HMGN5: variants seen among roughly 807,000 people sequenced by gnomAD.
HMGN5 encodes high mobility group nucleosome-binding domain-containing protein 5.
A neutral mutation model predicts 9.5 loss-of-function variants in HMGN5; 4 were observed. That is an observed-to-expected ratio of 0.42 (90% CI 0.21 to 0.96). HMGN5 has a LOEUF of 0.96. HMGN5 is among the 40% of genes least tolerant of loss of function. The pLI is 0.30. For synonymous variants in HMGN5, 55 were observed against 57.1 expected, an observed-to-expected ratio of 0.96 and a Z score of 0.16; for missense variants, 192 against 187.5, an observed-to-expected ratio of 1.02 and a Z score of -0.14.
chrX:81,160,418 T>C (rs945989694), intron 1 of HMGN5, among the ~76,000 whole-genome samples: 4 of 111,423 alleles, frequency 3.6e-5, no homozygotes, highest in African/African-American at 1.3e-4. Context: ...GTTTGTTGCA[T>C]AGGTATACAT....
chrX:81,146,612 T>C (rs2075344599), intron 1 of HMGN5, among the ~76,000 whole-genome samples: 1 of 110,507 alleles, frequency 9.0e-6, no homozygotes, highest in African/African-American at 3.3e-5. Flanking sequence ...GCAAACACAT[T>C]CAAAAGCTAG....
intron 1 of HMGN5, among the ~76,000 whole-genome samples, chrX:81,191,873 C>G (rs192578749): frequency 9.0e-6 from 1 of 111,716 alleles, no homozygotes; most frequent in East Asian, 2.8e-4. Flanking sequence ...TTCTAAGGCA[C>G]AAGAAGGGTG....
chrX:81,198,856 T>TATGTTA (rs2075516689), intron 1 of HMGN5, among the ~76,000 whole-genome samples: 1 of 111,734 alleles, frequency 8.9e-6, no homozygotes, highest in African/African-American at 3.3e-5. Context: ...CTATTTAACA[T>TATGTTA]AGTGTTGGAA....
rs768938798 is a variant in HMGN5, at chrX:81,177,770, A to G, written c.-124+23967T>C. ...AATCAACATAATATACATTTTTCTC[A>G]GCACCACATCACACTTATTCCAAAA... On this transcript the variant is annotated intron_variant, in intron 1 of 6. Transcript: ENST00000358130. Among the ~76,000 whole-genome samples the G allele has an allele frequency of 2.7e-5, 3 of 111,891 alleles. No homozygotes were observed. In the East Asian group the frequency reaches 8.4e-4, roughly 31 times the overall value.
intron 1 of HMGN5, among the ~76,000 whole-genome samples, chrX:81,190,097 G>A (rs2075489777): frequency 9.0e-6 from 1 of 111,679 alleles, no homozygotes; most frequent in Admixed American, 9.5e-5. Context: ...TCTTATTGTT[G>A]AGTTTTAAGT....
At chrX:81,187,137 A>C (rs1460473142) in intron 1 of HMGN5, among the ~76,000 whole-genome samples, 2 of 111,953 alleles carry the variant, frequency 1.8e-5, no homozygotes, top group Non-Finnish European at 3.8e-5. Flanking sequence ...TATCCTTGAG[A>C]ATGATCCATG....
chrX:81,153,579 CTCTCTATATATATATATATATATA>C (rs2075372747), intron 1 of HMGN5, among the ~76,000 whole-genome samples: 1 of 10,592 alleles, frequency 9.4e-5, no homozygotes, highest in African/African-American at 3.5e-4. Context: ...CTCTCTCTCT[CTCTCTATATATATATATATATATA>C]TATATATATA....
intron 1 of HMGN5, among the ~76,000 whole-genome samples, chrX:81,121,874 T>C (rs957140345): frequency 6.2e-5 from 7 of 112,435 alleles, no homozygotes; most frequent in Admixed American, 5.6e-4. Context: ...ACCGCTGGTG[T>C]AGTGGCGGAG....
intron 1 of HMGN5, among the ~76,000 whole-genome samples, chrX:81,132,064 CCAA>C (rs746759902): frequency 3.6e-5 from 4 of 111,121 alleles, no homozygotes; most frequent in Non-Finnish European, 5.7e-5. Flanking sequence ...TTATTATACA[CCAA>C]CAACAGTCAA....
intron 1 of HMGN5, among the ~76,000 whole-genome samples, chrX:81,126,933 A>C (rs189607707): frequency 1.8e-5 from 2 of 111,583 alleles, no homozygotes; most frequent in Admixed American, 1.9e-4. Context: ...AATCCTATCT[A>C]TTGAACTTAA....
chrX:81,182,974 T>C lies in HMGN5; in HGVS notation c.-124+18763A>G, dbSNP rs993485880. Among the ~76,000 whole-genome samples, 8 of 111,698 alleles carry C rather than the reference T, an allele frequency of 7.2e-5. No individual in the cohort carries two copies. The East Asian group carries it at 2.3e-3, about 32-fold the overall frequency. On this transcript the variant is annotated intron_variant, in intron 1 of 6. Coordinates refer to ENST00000358130, the MANE Select transcript of HMGN5 (RefSeq NM_030763.3). ...TTCCTAGAGACTGGTTGAATGGTTA[T>C]GACCAAAATGCTGATAGTGATATGG...
chrX:81,149,534 C>T (rs981416741), intron 1 of HMGN5, among the ~76,000 whole-genome samples: 13 of 111,426 alleles, frequency 1.2e-4, no homozygotes, highest in South Asian at 3.8e-4. Context: ...GATGGTTTGA[C>T]GGGTGCAGCA....
chrX:81,136,375 A>G (rs1283065762), intron 1 of HMGN5, among the ~76,000 whole-genome samples: 2 of 111,588 alleles, frequency 1.8e-5, no homozygotes, highest in Admixed American at 1.9e-4. Flanking sequence ...GCATTATCTG[A>G]TGTTAAAGGC....
chrX:81,168,962 T>C (rs976662900), intron 1 of HMGN5, among the ~76,000 whole-genome samples: 3 of 109,816 alleles, frequency 2.7e-5, no homozygotes, highest in Non-Finnish European at 5.7e-5. Flanking sequence ...GAGATTGGAG[T>C]GGTTGTCATC....
At chrX:81,169,676 A>G (rs2147634076) in intron 1 of HMGN5, among the ~76,000 whole-genome samples, 1 of 111,593 alleles carries the variant, frequency 9.0e-6, no homozygotes, top group African/African-American at 3.3e-5. Context: ...ATTTATAGAG[A>G]TTCATGTTTT....
chrX:81,141,062 A>G (rs771794907), intron 1 of HMGN5, among the ~76,000 whole-genome samples: 2 of 111,847 alleles, frequency 1.8e-5, no homozygotes, highest in East Asian at 5.6e-4. Context: ...AGCTACCAGG[A>G]GAGGCTCCTC....
intron 1 of HMGN5, among the ~76,000 whole-genome samples, chrX:81,153,167 A>C (rs762717985): frequency 1.8e-5 from 2 of 109,164 alleles, no homozygotes; most frequent in South Asian, 4.0e-4. Context: ...AAAATAAAAA[A>C]ATAAAAAAAG....
chrX:81,194,212 A>C (rs1010917350), intron 1 of HMGN5, among the ~76,000 whole-genome samples: 8 of 111,945 alleles, frequency 7.1e-5, no homozygotes, highest in Non-Finnish European at 1.5e-4. Flanking sequence ...CACCACAATA[A>C]AGCTTTTATA....
At chrX:81,157,254 G>T (rs2075385393) in intron 1 of HMGN5, among the ~76,000 whole-genome samples, 1 of 111,938 alleles carries the variant, frequency 8.9e-6, no homozygotes, top group Admixed American at 9.5e-5. Flanking sequence ...AGCATTTCTT[G>T]CCAGTGGGCC....
Sources: allele counts gnomAD v4.1 joint callset (sites outside exome capture counted in the v4.1 genomes callset), GRCh38; gene constraint gnomAD v4.1.1; transcripts MANE v1.5; gene names NCBI Gene and HGNC (gene_info 2026-07-23, HGNC 2026-07-21).